MAP3K15: variants seen among roughly 807,000 people sequenced by gnomAD.
The protein encoded by MAP3K15 is MAPK/ERK kinase kinase 15.
MAP3K15 carries 124 observed loss-of-function variants against 99.5 expected under a neutral mutation model. The ratio of observed to expected loss-of-function variants is 1.25; its 90% CI spans 1.08 to 1.45. The LOEUF (loss-of-function observed/expected upper bound fraction) is 1.45, where lower values mean the gene tolerates loss of function less well. Ranked by LOEUF, MAP3K15 falls within the 40% of genes most tolerant of loss-of-function variation. The probability of loss-of-function intolerance (pLI) is 0.00; values close to 1 mark genes in which losing one functional copy is unlikely to be tolerated. For synonymous variants in MAP3K15, 494 were observed against 439.6 expected (o/e 1.12, Z -1.55); for missense variants, 1,242 against 1,079.7 (o/e 1.15, Z -2.11).
intron 18 of MAP3K15, 35 bp from the exon 19 acceptor site, chrX:19,380,312 C>A: frequency 8.4e-7 from 1 of 1,194,841 alleles, no homozygotes; most frequent in Non-Finnish European, 1.1e-6. Context: ...CTGTGGGTAC[C>A]ATATTGCTCA....
chrX:19,415,421 A>G (rs1045052226), intron 9 of MAP3K15, among the ~76,000 whole-genome samples, 164 bp from the exon 10 acceptor site: 1 of 112,420 alleles, frequency 8.9e-6, no homozygotes, highest in African/African-American at 3.2e-5. Context: ...TAATTAAGAA[A>G]ACACGAGCAG....
chrX:19,375,380 A>G (rs1271935954), intron 19 of MAP3K15, among the ~76,000 whole-genome samples: 2 of 111,621 alleles, frequency 1.8e-5, no homozygotes, highest in African/African-American at 6.5e-5. Context: ...CAAAACCACA[A>G]GCAGACAAAA....
chrX:19,369,053 C>T lies in MAP3K15; in HGVS notation c.3566+1G>A, dbSNP rs1436613793. On this transcript the variant is annotated splice_donor_variant, in intron 25 of 28. Coordinates refer to ENST00000338883, the MANE Select transcript of MAP3K15 (RefSeq NM_001001671.4). LOFTEE classifies it high-confidence loss of function. ...CAGAGGAGGGCCCAGAAGCTCCTCACCTGTTGGTCTCCTGTCTGAGCTCAC... is the reference window on the plus strand; with the variant it reads ...CAGAGGAGGGCCCAGAAGCTCCTCATCTGTTGGTCTCCTGTCTGAGCTCAC... 3.4e-6 allele frequency: 4 copies of T among 1,193,537 alleles called. No homozygotes were observed. The highest frequency in any genetic ancestry group is 3.5e-5 in the African/African-American group (2 of 57,262).
At chrX:19,455,606 C>T (rs1324596256) in intron 6 of MAP3K15, among the ~76,000 whole-genome samples, 6 of 102,358 alleles carry the variant, frequency 5.9e-5, no homozygotes, top group Admixed American at 1.1e-4. Context: ...GTGATCTGCC[C>T]GCCTCGGCCT....
At chrX:19,385,843 C>T (rs970129355) in intron 18 of MAP3K15, among the ~76,000 whole-genome samples, 3 of 111,511 alleles carry the variant, frequency 2.7e-5, no homozygotes, top group African/African-American at 6.5e-5. Flanking sequence ...AAGAGTAGCA[C>T]GTGTAAGGAT....
rs747929972 is a variant in MAP3K15, at chrX:19,456,906, T to C, written c.995+7A>G. 8.6e-7 allele frequency: 1 copy of C among 1,159,192 alleles called. No individual in the cohort carries two copies. The highest frequency in any genetic ancestry group is 2.2e-5 in the Admixed American group (1 of 45,501). On this transcript the variant is annotated splice_region_variant and intron_variant, in intron 6 of 28. Coordinates refer to ENST00000338883, the MANE Select transcript of MAP3K15 (RefSeq NM_001001671.4). ...TTCAAAACCTGTACGTACATTATCGTTCTTACCTATTCAGTGCAAACGCAT... is the reference window on the plus strand; with the variant it reads ...TTCAAAACCTGTACGTACATTATCGCTCTTACCTATTCAGTGCAAACGCAT...
At position 19,392,103 on chromosome X, in the gene MAP3K15, T is replaced by A; in HGVS notation, c.2330A>T (p.Asp777Val). The A allele has an allele frequency of 8.3e-7, 1 of 1,204,337 alleles. No homozygotes were observed. The highest frequency in any genetic ancestry group is 3.0e-5 in the East Asian group (1 of 33,817). The change falls in exon 18 of 29, where the codon GAT (aspartate) becomes GTT (valine). Residue 777 changes from aspartate (D) to valine (V), a missense_variant. Coordinates refer to ENST00000338883, the MANE Select transcript of MAP3K15 (RefSeq NM_001001671.4). ...GCTGTAGGTGTTCACCAGAACATTA[T>A]CGCCCTTCGGAAAATAACATCATCA... Reference protein sequence around the residue: ...NQIVHRDIKGDNVLVNTYSGV... With the variant: ...NQIVHRDIKGVNVLVNTYSGV...
chrX:19,512,186 G>A (rs2064523829), intron 1 of MAP3K15, among the ~76,000 whole-genome samples: 1 of 111,180 alleles, frequency 9.0e-6, no homozygotes, highest in South Asian at 3.8e-4. Flanking sequence ...AGTGGGAGGG[G>A]AGGGAGAGCA....
intron 1 of MAP3K15, among the ~76,000 whole-genome samples, chrX:19,505,747 C>CTTTTT (rs573926654): frequency 1.0e-5 from 1 of 96,223 alleles, no homozygotes; most frequent in Non-Finnish European, 2.1e-5. Context: ...AATCTCTTTT[C>CTTTTT]TTTTTTTTTT....
At chrX:19,414,827 T>C (rs2063719901) in intron 10 of MAP3K15, among the ~76,000 whole-genome samples, 1 of 111,388 alleles carries the variant, frequency 9.0e-6, no homozygotes, top group Non-Finnish European at 1.9e-5. Context: ...TGCCACCTTC[T>C]CCCCAAGTCA....
rs1046249253 is a variant in MAP3K15, at chrX:19,392,165, A to C, written c.2326-58T>G. On this transcript the variant is annotated intron_variant, in intron 17 of 28. Transcript: ENST00000338883. Reference sequence around the variant, plus strand: ...GACAGGCTGAAACGAACTCATATGAAACAGATCTGGACCTTGGGAAACCGT... The same window carrying C: ...GACAGGCTGAAACGAACTCATATGACACAGATCTGGACCTTGGGAAACCGT... 2.8e-6 allele frequency: 3 copies of C among 1,074,611 alleles called. No homozygotes were observed. In the African/African-American group the frequency reaches 5.5e-5, roughly 20 times the overall value. The allele number at this position is 1,074,611 out of a possible 1,213,427, so 88.6% of individuals were successfully genotyped here.
chrX:19,404,059 G>A (rs1029029490), intron 13 of MAP3K15, among the ~76,000 whole-genome samples: 1 of 111,384 alleles, frequency 9.0e-6, no homozygotes, highest in Non-Finnish European at 1.9e-5. Context: ...CATCTAGGTT[G>A]GAAAGGAAAA....
intron 5 of MAP3K15, among the ~76,000 whole-genome samples, chrX:19,458,679 CAATA>C (rs750367161): frequency 2.5e-4 from 28 of 110,750 alleles, no homozygotes; most frequent in African/African-American, 9.3e-4. Context: ...GACTGTGTCT[CAATA>C]AATAAATAAA....
rs761246318 is a variant in MAP3K15, at chrX:19,393,760, C to CTTTTTTTTT, written c.2195-1296_2195-1288dup. Among the ~76,000 whole-genome samples, 77 of 60,241 alleles carry CTTTTTTTTT rather than the reference C, an allele frequency of 1.3e-3. 8 individuals carry two copies. Among genetic ancestry groups the CTTTTTTTTT allele is most frequent in the African/African-American group, 5.5e-3 (72 of 13,019 alleles). 52.3% of individuals were successfully genotyped at this position (60,241 alleles called of 115,157 possible). A position where few individuals can be genotyped will look rare whatever the true frequency, so the allele number is the denominator to read the frequency against. ...TGAAAATCTAGCCCACTGCCTGGCT[C>CTTTTTTTTT]TTTTTTTTTTTTTTTTTTTTTTTTT... is the stretch of plus-strand genomic sequence containing the variant. On this transcript the variant is annotated intron_variant, in intron 16 of 28. Coordinates refer to ENST00000338883, the MANE Select transcript of MAP3K15 (RefSeq NM_001001671.4).
intron 18 of MAP3K15, among the ~76,000 whole-genome samples, chrX:19,389,538 G>A (rs1441986531): frequency 1.8e-5 from 2 of 111,663 alleles, no homozygotes; most frequent in Non-Finnish European, 3.8e-5. Flanking sequence ...TTTGCAAAGA[G>A]CAATTATATG....
chrX:19,461,125 G>A (rs761408095), intron 4 of MAP3K15, among the ~76,000 whole-genome samples: 6 of 112,132 alleles, frequency 5.4e-5, no homozygotes, highest in African/African-American at 1.9e-4. Flanking sequence ...GACCATAGGC[G>A]CCCGCCACCA....
chrX:19,458,255 G>A (rs1417063590), intron 5 of MAP3K15, among the ~76,000 whole-genome samples: 1 of 112,329 alleles, frequency 8.9e-6, no homozygotes, highest in African/African-American at 3.2e-5. Flanking sequence ...ATGAAAAGAA[G>A]GGATACATGA....
At chrX:19,489,959 C>G (rs1322333109) in intron 1 of MAP3K15, among the ~76,000 whole-genome samples, 3 of 110,808 alleles carry the variant, frequency 2.7e-5, no homozygotes, top group African/African-American at 9.9e-5. Flanking sequence ...TCGCTTGTAC[C>G]TGGGAGGCAG....
chrX:19,459,463 C>G (rs2064115887), intron 5 of MAP3K15, among the ~76,000 whole-genome samples: 1 of 112,279 alleles, frequency 8.9e-6, no homozygotes, highest in African/African-American at 3.2e-5. Flanking sequence ...GTGGTCACAC[C>G]AGCCCCGATG....
Sources: gnomAD v4.1 joint callset for allele counts (sites outside exome capture counted in the v4.1 genomes callset) on GRCh38, gnomAD v4.1.1 for gene constraint, MANE v1.5 for transcripts, NCBI Gene and HGNC (gene_info 2026-07-23, HGNC 2026-07-21) for gene names.